The following MAP3K5 variants were observed in gnomAD, a reference collection of about 807,000 sequenced individuals.
MAP3K5 encodes the protein mitogen-activated protein kinase kinase kinase 5.
Under a neutral mutation model 158.7 loss-of-function variants are expected in MAP3K5, and 56 were observed. The ratio of observed to expected loss-of-function variants is 0.35; its 90% CI spans 0.28 to 0.44. The LOEUF is 0.44. MAP3K5 is among the 20% of genes least tolerant of loss of function. The pLI, the probability that MAP3K5 is intolerant of heterozygous loss-of-function variation, is 1.00. For synonymous variants in MAP3K5, 579 were observed against 601.7 expected (o/e 0.96, Z 0.55); for missense variants, 1,294 against 1,674.8 (o/e 0.77, Z 3.97).
chr6:136,601,572 TACTA>T (rs1011618575), intron 20 of MAP3K5, among the ~76,000 whole-genome samples: 29 of 152,338 alleles, frequency 1.9e-4, no homozygotes, highest in East Asian at 7.7e-4. Flanking sequence ...ATTAACTACC[TACTA>T]ACTATGTGAT....
chr6:136,686,373 C>T (rs7742299), intron 7 of MAP3K5, among the ~76,000 whole-genome samples: 26,609 of 152,052 alleles, frequency 0.17, 6,058 homozygotes, highest in African/African-American at 0.53. Flanking sequence ...AAGACAAGGA[C>T]GGCCTCTCTC....
At chr6:136,763,416 A>T (rs1783836033) in intron 1 of MAP3K5, among the ~76,000 whole-genome samples, 1 of 152,178 alleles carries the variant, frequency 6.6e-6, no homozygotes, top group Non-Finnish European at 1.5e-5. Flanking sequence ...AGATGTGGGG[A>T]AACAGGTCAG....
At chr6:136,693,667 A>C (rs1456914481) in intron 7 of MAP3K5, among the ~76,000 whole-genome samples, 2 of 152,100 alleles carry the variant, frequency 1.3e-5, no homozygotes, top group African/African-American at 2.4e-5. Flanking sequence ...TACTATGTTA[A>C]ATGAATTTCA....
At chr6:136,777,827 G>T (rs1466016973) in intron 1 of MAP3K5, among the ~76,000 whole-genome samples, 1 of 151,294 alleles carries the variant, frequency 6.6e-6, no homozygotes, top group East Asian at 1.9e-4. Flanking sequence ...CGAATGCTTG[G>T]CATTCAGGTT....
In MAP3K5 at chr6:136,567,928, A is replaced by G. The variant is rs371493479; in HGVS notation, c.3518-54T>C. On this transcript the variant is annotated intron_variant, in intron 25 of 29. Transcript: ENST00000359015. ...TTATAAAATATGACTCATTGCCTTA[A>G]TTTCTTAAGATATGAATGCTACCCT... The G allele has an allele frequency of 5.5e-4, 859 of 1,565,976 alleles. 20 individuals are homozygous for G. The South Asian group carries it at 8.1e-3, about 15-fold the overall frequency.
At chr6:136,675,014 C>T (rs1242640765) in intron 7 of MAP3K5, among the ~76,000 whole-genome samples, 2 of 151,828 alleles carry the variant, frequency 1.3e-5, no homozygotes, top group East Asian at 3.9e-4. Flanking sequence ...TAAAGATGTA[C>T]CATCCAAATA....
intron 1 of MAP3K5, among the ~76,000 whole-genome samples, chr6:136,763,541 A>G (rs949180109): frequency 1.3e-5 from 2 of 152,214 alleles, no homozygotes; most frequent in African/African-American, 4.8e-5. Flanking sequence ...GAGGGAAAAA[A>G]AAGTTTTCAC....
intron 14 of MAP3K5, among the ~76,000 whole-genome samples, chr6:136,634,755 C>G (rs1583310844): frequency 6.6e-6 from 1 of 151,480 alleles, no homozygotes; most frequent in Admixed American, 6.6e-5. Flanking sequence ...AAAGTAGAGA[C>G]AGGGTTTCAC....
rs370456399 is a variant in MAP3K5, at chr6:136,778,291, T to C, written c.448+13419A>G. ...TGGGGGTCTAATGCATATTATACTA[T>C]TGTGAAAGATTTTTATTTTTGATGC... On this transcript the variant is annotated intron_variant, in intron 1 of 29. Transcript: ENST00000359015. Among the ~76,000 whole-genome samples, 5 of 152,240 alleles carry C rather than the reference T, an allele frequency of 3.3e-5. No individual in the cohort carries two copies. In the East Asian group the frequency reaches 5.8e-4, roughly 18 times the overall value.
intron 7 of MAP3K5, among the ~76,000 whole-genome samples, chr6:136,693,279 C>T (rs2114652566): frequency 6.6e-6 from 1 of 152,266 alleles, no homozygotes; most frequent in East Asian, 1.9e-4. Context: ...TTTGTCTATG[C>T]CTATAGCCAT....
rs190955284 is a variant in MAP3K5 at position 136,769,513 on chromosome 6, T to C, written c.448+22197A>G. On this transcript the variant is annotated intron_variant, in intron 1 of 29. Transcript: ENST00000359015. ...ATGGTTACTTTTATGGTCTATAAGTTATCTCTCAATTTTTAAAATAAATTT... is the reference window on the plus strand; with the variant it reads ...ATGGTTACTTTTATGGTCTATAAGTCATCTCTCAATTTTTAAAATAAATTT... Among the ~76,000 whole-genome samples, 128 of 151,934 alleles carry C rather than the reference T, an allele frequency of 8.4e-4. 2 individuals carry two copies. In the Middle Eastern group the frequency reaches 0.027, roughly 32 times the overall value.
At chr6:136,644,818 G>C (rs544490700) in intron 11 of MAP3K5, among the ~76,000 whole-genome samples, 1 of 152,100 alleles carries the variant, frequency 6.6e-6, no homozygotes, top group Non-Finnish European at 1.5e-5. Flanking sequence ...CCTCCTCCCC[G>C]GGATGCCGCC....
chr6:136,769,400 C>T (rs758110603), intron 1 of MAP3K5, among the ~76,000 whole-genome samples: 11 of 151,810 alleles, frequency 7.2e-5, no homozygotes, highest in Non-Finnish European at 1.6e-4. Flanking sequence ...TTTTGAGGTG[C>T]CAAAAATGTT....
intron 26 of MAP3K5, among the ~76,000 whole-genome samples, chr6:136,563,740 G>C (rs1389816492): frequency 1.3e-5 from 2 of 152,218 alleles, no homozygotes; most frequent in Admixed American, 1.3e-4. Context: ...GTTATGAAAA[G>C]AGGTGCTCTA....
At chr6:136,778,349 T>C (rs1784479444) in intron 1 of MAP3K5, among the ~76,000 whole-genome samples, 2 of 152,316 alleles carry the variant, frequency 1.3e-5, no homozygotes, top group South Asian at 2.1e-4. Flanking sequence ...TAATAAACCC[T>C]GTTCTCAAGT....
intron 1 of MAP3K5, among the ~76,000 whole-genome samples, chr6:136,752,519 C>G (rs1417437362): frequency 6.6e-6 from 1 of 152,228 alleles, no homozygotes; most frequent in Non-Finnish European, 1.5e-5. Context: ...TCAAGCGATT[C>G]TCCTACTTCA....
chr6:136,792,379 C>T lies in MAP3K5; in HGVS notation c.-222G>A, dbSNP rs1582715236. The T allele has an allele frequency of 1.0e-6, 1 of 998,634 alleles. No individual in the cohort carries two copies. The highest frequency in any genetic ancestry group is 1.2e-6 in the Non-Finnish European group (1 of 839,988). The allele number at this position is 998,634 out of a possible 1,614,324, so 61.9% of individuals were successfully genotyped here. ...CTCCTCGGCGCCTCCGTGGCCGCGC[C>T]GCTCGCCCTCTGCAGAGTTTAGAGT... On this transcript the variant is annotated 5_prime_UTR_variant, in exon 1 of 30. Transcript: ENST00000359015. This position sits in a 1 kb window ranked among gnomAD's most constrained non-coding sequence, Gnocchi z 5.7.
intron 7 of MAP3K5, among the ~76,000 whole-genome samples, chr6:136,673,093 C>T (rs759057256): frequency 3.3e-4 from 50 of 151,572 alleles, no homozygotes; most frequent in African/African-American, 1.1e-3. Flanking sequence ...AAGAAATCTC[C>T]GACAGTATTT....
At chr6:136,572,637 T>C (rs1208571128) in intron 25 of MAP3K5, among the ~76,000 whole-genome samples, 1 of 152,262 alleles carries the variant, frequency 6.6e-6, no homozygotes, top group Admixed American at 6.5e-5. Context: ...TATATTTAAA[T>C]ATCCTCTTAA....
Sources: gnomAD v4.1 joint callset for allele counts (sites outside exome capture counted in the v4.1 genomes callset) on GRCh38, gnomAD v4.1.1 for gene constraint, Gnocchi (gnomAD v3.1) non-coding constraint, MANE v1.5 for transcripts, NCBI Gene and HGNC (gene_info 2026-07-23, HGNC 2026-07-21) for gene names.